The following SHISAL1 variants were observed in gnomAD, a reference collection of about 807,000 sequenced individuals.
The protein encoded by SHISAL1 is protein shisa-like-1.
In SHISAL1, 9 loss-of-function variants were observed where a neutral mutation model predicts 22.6. The observed-to-expected ratio is 0.40, with a 90% CI of 0.24 to 0.70. The LOEUF is 0.70. Among genes scored for constraint, SHISAL1 ranks in the 30% least tolerant of loss-of-function variants. SHISAL1 has a pLI of 0.39. For synonymous variants in SHISAL1, 119 were observed against 115.4 expected, an observed-to-expected ratio of 1.03 and a Z score of -0.20; for missense variants, 246 against 270.6, an observed-to-expected ratio of 0.91 and a Z score of 0.64.
Position 44,246,336 on chromosome 22 carries a change from T to C in SHISAL1, c.*3349A>G, listed in dbSNP as rs2055000755. On this transcript the variant is annotated 3_prime_UTR_variant, in exon 5 of 5. Coordinates refer to ENST00000381176, the MANE Select transcript of SHISAL1 (RefSeq NM_001099294.2). Reference sequence around the variant, plus strand: ...AAACAGCCTCGAATGCAGATTCCTCTGTGGACATCTTGTCCTCTTCTCTCT... The same window carrying C: ...AAACAGCCTCGAATGCAGATTCCTCCGTGGACATCTTGTCCTCTTCTCTCT... The C allele has an allele frequency of 6.6e-6, 1 of 152,236 alleles. No individual in the cohort carries two copies. Among genetic ancestry groups the C allele is most frequent in the South Asian group, 2.1e-4 (1 of 4,836 alleles). The allele number at this position is 152,236 out of a possible 1,614,324, so 9.4% of individuals were successfully genotyped here. A position where few individuals can be genotyped will look rare whatever the true frequency, so the allele number is the denominator to read the frequency against.
intron 4 of SHISAL1, among the ~76,000 whole-genome samples, chr22:44,282,224 T>C (rs1395777532): frequency 6.6e-6 from 1 of 152,198 alleles, no homozygotes; most frequent in African/African-American, 2.4e-5. Context: ...AGCTTACTCC[T>C]CTGCCCCAGC....
chr22:44,265,952 G>C (rs2055158427), intron 4 of SHISAL1, among the ~76,000 whole-genome samples: 3 of 152,226 alleles, frequency 2.0e-5, no homozygotes. Flanking sequence ...AGGGATGTGT[G>C]GGTTCCCCCA....
At chr22:44,273,398 C>T (rs137962548) in intron 4 of SHISAL1, among the ~76,000 whole-genome samples, 31 of 152,218 alleles carry the variant, frequency 2.0e-4, no homozygotes, top group Non-Finnish European at 3.5e-4. Context: ...ATACCGTCAC[C>T]GGCACAGATG....
intron 4 of SHISAL1, among the ~76,000 whole-genome samples, chr22:44,267,243 CCT>C (rs2055170668): frequency 6.6e-6 from 1 of 152,096 alleles, no homozygotes; most frequent in African/African-American, 2.4e-5. Flanking sequence ...GGTGGGAGCG[CCT>C]CCTCCCCAGG....
intron 4 of SHISAL1, among the ~76,000 whole-genome samples, chr22:44,261,226 TAAC>T (rs135430): frequency 0.6 from 90,698 of 150,264 alleles, 28,159 homozygotes; most frequent in South Asian, 0.68. Flanking sequence ...CAGGGCCTCT[TAAC>T]AACAGAACTG....
chr22:44,331,019 A>G, the SHISAL1 span, among the ~76,000 whole-genome samples: 55 of 152,008 alleles, frequency 3.6e-4, no homozygotes, highest in Middle Eastern at 6.8e-3. This position sits in a 1 kb window ranked among gnomAD's most constrained non-coding sequence, Gnocchi z 5.2. Context: ...CGGGGCTCCC[A>G]GCTCACTGAG....
At chr22:44,308,514 G>A (rs1290633267) in intron 1 of SHISAL1, among the ~76,000 whole-genome samples, 1 of 152,172 alleles carries the variant, frequency 6.6e-6, no homozygotes, top group African/African-American at 2.4e-5. Context: ...CCTCTCCAAA[G>A]CCGTAGCCTG....
intron 4 of SHISAL1, among the ~76,000 whole-genome samples, chr22:44,275,482 TG>T (rs1356834654): frequency 6.6e-6 from 1 of 152,136 alleles, no homozygotes; most frequent in Non-Finnish European, 1.5e-5. Flanking sequence ...AGATCTCAGG[TG>T]CTTTGGGGGA....
At position 44,253,425 on chromosome 22, in the gene SHISAL1, A is replaced by ATTT. The variant is rs1491154287; in HGVS notation, c.*-3741_*-3740insAAA. Among the ~76,000 whole-genome samples the ATTT allele has an allele frequency of 3.8e-4, 41 of 107,866 alleles. 17 individuals carry two copies. The highest frequency in any genetic ancestry group is 6.6e-4 in the South Asian group (2 of 3,008). 70.8% of individuals were successfully genotyped at this position (107,866 alleles called of 152,430 possible). A position where few individuals can be genotyped will look rare whatever the true frequency, so the allele number is the denominator to read the frequency against. The stretch of plus-strand genomic sequence containing the variant: ...AAGCAGAGTATGCTAGTATTAGTGC[A>ATTT]TGTTTTTTTTTTTTTTTTTTTTTGA... On this transcript the variant is annotated intron_variant, in intron 4 of 4. Coordinates refer to ENST00000381176, the MANE Select transcript of SHISAL1 (RefSeq NM_001099294.2).
At chr22:44,281,355 A>G (rs2055275335) in intron 4 of SHISAL1, among the ~76,000 whole-genome samples, 1 of 152,126 alleles carries the variant, frequency 6.6e-6, no homozygotes, top group South Asian at 2.1e-4. Flanking sequence ...ACGGAGGTCC[A>G]GATAGTGAGG....
At chr22:44,305,126 T>A (rs569635236) in intron 1 of SHISAL1, among the ~76,000 whole-genome samples, 7 of 152,236 alleles carry the variant, frequency 4.6e-5, no homozygotes, top group South Asian at 2.1e-4. Flanking sequence ...AAGCCTGCCA[T>A]GATTTTATCA....
At chr22:44,320,488 G>T in the SHISAL1 span, among the ~76,000 whole-genome samples, 1 of 152,210 alleles carries the variant, frequency 6.6e-6, no homozygotes, top group East Asian at 1.9e-4. Context: ...TCATCCCTCT[G>T]CCCAAGTGAG....
At position 44,245,731 on chromosome 22, in the gene SHISAL1, A is replaced by C. The variant is rs528727263; in HGVS notation, c.*3954T>G. 1 of 152,304 alleles carries C rather than the reference A, an allele frequency of 6.6e-6. No individual in the cohort carries two copies. Among genetic ancestry groups the C allele is most frequent in the South Asian group, 2.1e-4 (1 of 4,824 alleles). 9.4% of individuals were successfully genotyped at this position (152,304 alleles called of 1,614,324 possible). On this transcript the variant is annotated 3_prime_UTR_variant, in exon 5 of 5. Coordinates refer to ENST00000381176, the MANE Select transcript of SHISAL1 (RefSeq NM_001099294.2). ...GGTCTGTTTGCCATGACCTGAAGAGAGCTTTTGGGTTGACGGTGAACTGGA... is the reference window on the plus strand; with the variant it reads ...GGTCTGTTTGCCATGACCTGAAGAGCGCTTTTGGGTTGACGGTGAACTGGA...
rs1358551241 is a variant in SHISAL1 at position 44,246,807 on chromosome 22, T to G, written c.*2878A>C. ...GAAGCAGAGGCTCTGAGAGGTTAAG[T>G]GGCTCGTGGGGGTGACCTGCAGGAA... On this transcript the variant is annotated 3_prime_UTR_variant, in exon 5 of 5. Coordinates refer to ENST00000381176, the MANE Select transcript of SHISAL1 (RefSeq NM_001099294.2). The G allele has an allele frequency of 5.1e-5, 3 of 58,450 alleles. No individual in the cohort carries two copies. Among genetic ancestry groups the G allele is most frequent in the Admixed American group, 2.9e-4 (2 of 6,794 alleles). The allele number at this position is 58,450 out of a possible 1,614,324, so 3.6% of individuals were successfully genotyped here.
At chr22:44,257,167 G>A (rs1274593670) in intron 4 of SHISAL1, among the ~76,000 whole-genome samples, 2 of 152,222 alleles carry the variant, frequency 1.3e-5, no homozygotes, top group Non-Finnish European at 2.9e-5. Context: ...CATGCCTATG[G>A]TACAGATGCC....
intron 3 of SHISAL1, among the ~76,000 whole-genome samples, chr22:44,291,476 C>G (rs117188538): frequency 2.0e-5 from 3 of 152,136 alleles, no homozygotes; most frequent in Non-Finnish European, 4.4e-5. Flanking sequence ...TCATAGATAA[C>G]AGATGGAGGG....
At chr22:44,250,595 C>G (rs542820182) in intron 4 of SHISAL1, among the ~76,000 whole-genome samples, 1 of 152,316 alleles carries the variant, frequency 6.6e-6, no homozygotes, top group Non-Finnish European at 1.5e-5. Flanking sequence ...GACTCCCTTG[C>G]AAGCAGGGGT....
intron 3 of SHISAL1, among the ~76,000 whole-genome samples, chr22:44,296,313 C>A (rs891831270): frequency 6.6e-6 from 1 of 152,324 alleles, no homozygotes; most frequent in Admixed American, 6.5e-5. Context: ...GCACCTGCCA[C>A]CACATCCTGC....
chr22:44,273,778 G>A (rs1468603880), intron 4 of SHISAL1, among the ~76,000 whole-genome samples: 2 of 152,136 alleles, frequency 1.3e-5, no homozygotes, highest in Non-Finnish European at 2.9e-5. Flanking sequence ...GAACTGAAAC[G>A]TGGGGGATAA....
Sources: allele counts gnomAD v4.1 joint callset (sites outside exome capture counted in the v4.1 genomes callset), GRCh38; gene constraint gnomAD v4.1.1; non-coding constraint Gnocchi (gnomAD v3.1); transcripts MANE v1.5; gene names NCBI Gene and HGNC (gene_info 2026-07-23, HGNC 2026-07-21).